Variants in IMMP2L observed in about 807,000 individuals in gnomAD.
The protein encoded by IMMP2L is inner mitochondrial membrane peptidase subunit 2, also known as mitochondrial inner membrane protease subunit 2.
In IMMP2L, 18 loss-of-function variants were observed where a neutral mutation model predicts 19.3. The ratio of observed to expected loss-of-function variants is 0.93; its 90% CI spans 0.64 to 1.38. The LOEUF (loss-of-function observed/expected upper bound fraction) is 1.38, where lower values mean the gene tolerates loss of function less well. Ranked by LOEUF, IMMP2L falls within the 40% of genes most tolerant of loss-of-function variation. IMMP2L has a pLI of 0.00. For synonymous variants in IMMP2L, 76 were observed against 73.0 expected, an observed-to-expected ratio of 1.04 and a Z score of -0.21; for missense variants, 233 against 218.2, an observed-to-expected ratio of 1.07 and a Z score of -0.43.
At chr7:111,058,826 A>C (rs1793747673) in intron 3 of IMMP2L, among the ~76,000 whole-genome samples, 1 of 152,200 alleles carries the variant, frequency 6.6e-6, no homozygotes, top group Non-Finnish European at 1.5e-5. Context: ...AATGCTTTTG[A>C]AAAACAAAAC....
At chr7:111,459,061 A>G (rs1300053024) in intron 3 of IMMP2L, among the ~76,000 whole-genome samples, 1 of 152,170 alleles carries the variant, frequency 6.6e-6, no homozygotes, top group Admixed American at 6.5e-5. Flanking sequence ...AATGTTATTG[A>G]AAATAGCCAC....
intron 5 of IMMP2L, among the ~76,000 whole-genome samples, chr7:110,664,165 T>C (rs112447772): frequency 0.013 from 1,946 of 152,224 alleles, 52 homozygotes; most frequent in African/African-American, 0.044. Flanking sequence ...CTGGCGTATA[T>C]TCTCAGAGTT....
At chr7:111,016,393 T>C (rs1425621062) in intron 3 of IMMP2L, among the ~76,000 whole-genome samples, 1 of 142,342 alleles carries the variant, frequency 7.0e-6, no homozygotes, top group African/African-American at 2.6e-5. Flanking sequence ...TATATATTTT[T>C]ATATATTTAT....
chr7:111,171,362 T>C lies in IMMP2L; in HGVS notation c.240-207797A>G, dbSNP rs571823194. On this transcript the variant is annotated intron_variant, in intron 3 of 5. Coordinates refer to ENST00000405709, the MANE Select transcript of IMMP2L (RefSeq NM_032549.4). ...ACTAGGGTAGCATAAAATCAATGTT[T>C]TGAATCATTGACCACAAGGGAAATA... Among the ~76,000 whole-genome samples the C allele has an allele frequency of 2.9e-3, 439 of 151,826 alleles. 2 individuals are homozygous for C. Among genetic ancestry groups the C allele is most frequent in the Non-Finnish European group, 5.1e-3 (346 of 67,754 alleles).
chr7:111,288,877 A>C (rs780308257), intron 3 of IMMP2L, among the ~76,000 whole-genome samples: 23 of 152,156 alleles, frequency 1.5e-4, no homozygotes, highest in Non-Finnish European at 2.9e-4. Flanking sequence ...TCAAAGATGT[A>C]GAACCAGAAA....
intron 4 of IMMP2L, among the ~76,000 whole-genome samples, chr7:110,959,807 G>T (rs1818743514): frequency 6.6e-6 from 1 of 151,820 alleles, no homozygotes; most frequent in Non-Finnish European, 1.5e-5. Context: ...AAGAGAGGAG[G>T]CAGACCTTTT....
At chr7:111,360,796 C>A (rs568913264) in intron 3 of IMMP2L, among the ~76,000 whole-genome samples, 1 of 151,842 alleles carries the variant, frequency 6.6e-6, no homozygotes, top group East Asian at 1.9e-4. Flanking sequence ...ATAGCCTGGG[C>A]GACAGAGCGA....
chr7:110,863,027 T>C (rs1354692922), intron 5 of IMMP2L, among the ~76,000 whole-genome samples: 1 of 152,086 alleles, frequency 6.6e-6, no homozygotes, highest in Non-Finnish European at 1.5e-5. Flanking sequence ...CAAATTCTGA[T>C]ACTCTGGCTA....
intron 3 of IMMP2L, among the ~76,000 whole-genome samples, chr7:111,173,339 A>T (rs1806663093): frequency 6.6e-6 from 1 of 151,698 alleles, no homozygotes; most frequent in South Asian, 2.1e-4. Context: ...ACAACTTTCT[A>T]CCTGAAAAAA....
intron 5 of IMMP2L, among the ~76,000 whole-genome samples, chr7:110,783,089 C>T (rs746946555): frequency 4.6e-5 from 7 of 151,750 alleles, no homozygotes; most frequent in African/African-American, 9.7e-5. Context: ...AACAGGATCT[C>T]GAGGTGTATA....
chr7:111,297,087 G>A (rs1023076478), intron 3 of IMMP2L, among the ~76,000 whole-genome samples: 3 of 152,018 alleles, frequency 2.0e-5, no homozygotes, highest in African/African-American at 7.2e-5. Context: ...AGAATATAAA[G>A]GGCTAGAATG....
intron 5 of IMMP2L, among the ~76,000 whole-genome samples, chr7:110,666,245 C>G (rs898898946): frequency 1.3e-5 from 2 of 150,762 alleles, no homozygotes; most frequent in Non-Finnish European, 2.9e-5. Flanking sequence ...TCAGACATTT[C>G]TTTAAAGTGC....
intron 3 of IMMP2L, among the ~76,000 whole-genome samples, chr7:110,991,090 T>C (rs1009215363): frequency 6.6e-6 from 1 of 152,190 alleles, no homozygotes. Flanking sequence ...GTTTACATAG[T>C]ACTGGTATTT....
chr7:111,136,582 T>A (rs1360019670), intron 3 of IMMP2L, among the ~76,000 whole-genome samples: 1 of 152,160 alleles, frequency 6.6e-6, no homozygotes, highest in African/African-American at 2.4e-5. Flanking sequence ...ATGATTCAAG[T>A]CATTAAAGTC....
intron 3 of IMMP2L, among the ~76,000 whole-genome samples, chr7:111,201,919 T>C (rs151328963): frequency 0.012 from 1,778 of 152,274 alleles, 40 homozygotes; most frequent in African/African-American, 0.04. Flanking sequence ...TACTGGCATC[T>C]TGATCTTGGA....
chr7:111,429,251 AG>A (rs753581580), intron 3 of IMMP2L, among the ~76,000 whole-genome samples: 2 of 152,010 alleles, frequency 1.3e-5, no homozygotes, highest in South Asian at 2.1e-4. Context: ...GGCCTGGGGA[AG>A]GGGGTAAGCA....
intron 3 of IMMP2L, among the ~76,000 whole-genome samples, chr7:111,160,330 A>G (rs1250775950): frequency 2.0e-5 from 3 of 152,068 alleles, no homozygotes; most frequent in Non-Finnish European, 2.9e-5. Context: ...AAATCCCACT[A>G]ACAAACCTTT....
At position 110,964,584 on chromosome 7, in the gene IMMP2L, T is replaced by C. The variant is rs114917852; in HGVS notation, c.240-1019A>G. Among the ~76,000 whole-genome samples the C allele has an allele frequency of 7.6e-3, 1,161 of 152,170 alleles. 18 individuals are homozygous for C. Among genetic ancestry groups the C allele is most frequent in the African/African-American group, 0.027 (1,120 of 41,550 alleles). On this transcript the variant is annotated intron_variant, in intron 3 of 5. Transcript: ENST00000405709. ...TATGGTAAATTTTAACTTAGAGTAA[T>C]ACTCTGTACTCTAAATAAATCTCTG...
intron 5 of IMMP2L, among the ~76,000 whole-genome samples, chr7:110,813,221 T>G (rs564547011): frequency 6.6e-6 from 1 of 152,212 alleles, no homozygotes; most frequent in East Asian, 1.9e-4. Flanking sequence ...ATTCAATAAC[T>G]AATTCTCATT....
Sources: allele counts gnomAD v4.1 joint callset (sites outside exome capture counted in the v4.1 genomes callset), GRCh38; gene constraint gnomAD v4.1.1; transcripts MANE v1.5; gene names NCBI Gene and HGNC (gene_info 2026-07-23, HGNC 2026-07-21).